The following ZNF484 variants were observed in gnomAD, a reference collection of about 807,000 sequenced individuals.
ZNF484 encodes the protein KRAB box containing C2H2 type zinc finger bA526D8.4.
Under a neutral mutation model 12.9 loss-of-function variants are expected in ZNF484, and 11 were observed. The ratio of observed to expected loss-of-function variants is 0.85; its 90% confidence interval spans 0.54 to 1.41. ZNF484 has a LOEUF of 1.41. Ranked by LOEUF, ZNF484 falls within the 40% of genes most tolerant of loss-of-function variation. ZNF484 has a pLI of 0.00. For synonymous variants in ZNF484, 289 were observed against 334.1 expected (o/e 0.86, Z 1.47); for missense variants, 807 against 1,007.7 (o/e 0.80, Z 2.70).
chr9:92,844,902 T>C lies in ZNF484; in HGVS notation c.*1326A>G, dbSNP rs1855497466. 6.6e-6 allele frequency: 1 copy of C among 152,056 alleles called. No individual in the cohort carries two copies. The allele number at this position is 152,056 out of a possible 1,614,324, so 9.4% of individuals were successfully genotyped here. Reference sequence around the variant, plus strand: ...TATGTGGGTTAATTTAAATGGATATTGACTCAAATAATGATTGGCTATGTT... The same window carrying C: ...TATGTGGGTTAATTTAAATGGATATCGACTCAAATAATGATTGGCTATGTT... On this transcript the variant is annotated 3_prime_UTR_variant, in exon 5 of 5. Coordinates refer to ENST00000375495, the MANE Select transcript of ZNF484 (RefSeq NM_031486.4).
intron 2 of ZNF484, among the ~76,000 whole-genome samples, chr9:92,857,166 A>T (rs1338277659): frequency 6.6e-6 from 1 of 152,186 alleles, no homozygotes; most frequent in African/African-American, 2.4e-5. Flanking sequence ...CAGACGCAAT[A>T]CTTGAAATCA....
chr9:92,869,712 T>C (rs1857318913), intron 2 of ZNF484, among the ~76,000 whole-genome samples: 1 of 152,160 alleles, frequency 6.6e-6, no homozygotes, highest in Non-Finnish European at 1.5e-5. Context: ...ACTGAAAGCC[T>C]AGAAATACCA....
intron 2 of ZNF484, chr9:92,862,199 A>G: frequency 8.7e-6 from 8 of 917,480 alleles, no homozygotes; most frequent in Non-Finnish European, 9.1e-6. Context: ...ATTAACTGCC[A>G]TACATTTATT....
rs1282819460 is a variant in ZNF484, at chr9:92,844,950, T to C, written c.*1278A>G. 4.6e-5 allele frequency: 7 copies of C among 152,168 alleles called. No individual in the cohort carries two copies. Among genetic ancestry groups the C allele is most frequent in the Non-Finnish European group, 1.0e-4 (7 of 68,008 alleles). The allele number at this position is 152,168 out of a possible 1,614,324, so 9.4% of individuals were successfully genotyped here. A position where few individuals can be genotyped will look rare whatever the true frequency, so the allele number is the denominator to read the frequency against. On this transcript the variant is annotated 3_prime_UTR_variant, in exon 5 of 5. Transcript: ENST00000375495. ...GTTCACCATGTACAGAATCCAAATA[T>C]ACAAAATTAATACCATATAAGAGAC...
At chr9:92,873,078 G>T (rs1222966571) in intron 2 of ZNF484, among the ~76,000 whole-genome samples, 3 of 152,084 alleles carry the variant, frequency 2.0e-5, no homozygotes, top group Non-Finnish European at 4.4e-5. Flanking sequence ...AGGTAATTAC[G>T]GTTAAACAAG....
intron 4 of ZNF484, among the ~76,000 whole-genome samples, chr9:92,850,250 GGAA>G (rs1212193504): frequency 2.6e-5 from 4 of 152,296 alleles, no homozygotes; most frequent in African/African-American, 7.2e-5. Context: ...TAGTAATTGG[GGAA>G]GAAGAGATTG....
chr9:92,867,606 T>C (rs1857185802), intron 2 of ZNF484, among the ~76,000 whole-genome samples: 1 of 152,194 alleles, frequency 6.6e-6, no homozygotes, highest in South Asian at 2.1e-4. Flanking sequence ...TCTGCACATG[T>C]ATCCTGGAAC....
chr9:92,859,004 T>A (rs1317007814), intron 2 of ZNF484, among the ~76,000 whole-genome samples: 1 of 152,012 alleles, frequency 6.6e-6, no homozygotes, highest in Non-Finnish European at 1.5e-5. Context: ...TGGGCACCTG[T>A]AGTCCCAGCT....
chr9:92,864,652 G>A (rs118153764), intron 2 of ZNF484, among the ~76,000 whole-genome samples: 6,824 of 152,106 alleles, frequency 0.045, 209 homozygotes, highest in South Asian at 0.1. Flanking sequence ...TCAGTACCAC[G>A]TAATAGCAAA....
intron 4 of ZNF484, among the ~76,000 whole-genome samples, chr9:92,851,926 T>A (rs1314200121): frequency 2.0e-5 from 3 of 152,232 alleles, no homozygotes; most frequent in Admixed American, 6.5e-5. Flanking sequence ...TGAATTGGCA[T>A]AGATGTGCAC....
chr9:92,854,301 T>C (rs1208346802), intron 4 of ZNF484, among the ~76,000 whole-genome samples: 1 of 152,176 alleles, frequency 6.6e-6, no homozygotes. Flanking sequence ...CTAATACCCT[T>C]GTACAAAGTT....
chr9:92,846,446 A>C lies in ZNF484; in HGVS notation c.2341T>G (p.Cys781Gly). Residue 781 changes from cysteine to glycine, a missense_variant, in exon 5 of 5, where the codon TGT becomes GGT. Coordinates refer to ENST00000375495, the MANE Select transcript of ZNF484 (RefSeq NM_031486.4). The stretch of plus-strand genomic sequence containing the variant: ...GATCTGATGGTGAAGGCCTTTCCAC[A>C]CTCAGCACATATATATGGTTTCTCT... ...TGEKPYICAECGKAFTIRSNL... is the reference protein window; with the variant it reads ...TGEKPYICAEGGKAFTIRSNL... 1.2e-6 allele frequency: 2 copies of C among 1,614,126 alleles called. No homozygotes were observed. Among genetic ancestry groups the C allele is most frequent in the Non-Finnish European group, 1.7e-6 (2 of 1,180,006 alleles).
intron 2 of ZNF484, among the ~76,000 whole-genome samples, chr9:92,869,622 C>T (rs755964394): frequency 2.6e-5 from 4 of 152,178 alleles, no homozygotes; most frequent in South Asian, 2.1e-4. Context: ...GAAATGTGTA[C>T]GTGAGTGTCA....
Position 92,846,882 on chromosome 9 carries a change from G to C in ZNF484, c.1905C>G (p.Pro635=). Reference sequence around the variant, plus strand: ...CCTTTCCACATTCAGCACACCTATAGGGTTTCTCTCCTGTGTGAATCTGCT... The same window carrying C: ...CCTTTCCACATTCAGCACACCTATACGGTTTCTCTCCTGTGTGAATCTGCT... The part of the protein sequence containing the change: ...VHQQIHTGEK[P]YRCAECGKAF... Residue 635 remains proline, a synonymous_variant, in exon 5 of 5, where the codon CCC becomes CCG. Coordinates refer to ENST00000375495, the MANE Select transcript of ZNF484 (RefSeq NM_031486.4). 6.2e-7 allele frequency: 1 copy of C among 1,612,368 alleles called. No homozygotes were observed.
In ZNF484 at chr9:92,846,800, G is replaced by A. The variant is rs1186767538; in HGVS notation, c.1987C>T (p.Pro663Ser). ...THQKIHTGEKPYKCSDCGKAF... is the reference protein window; with the variant it reads ...THQKIHTGEKSYKCSDCGKAF... ...TTCCCACAGTCACTACATTTATAAG[G>A]TTTCTCTCCAGTGTGAATTTTCTGG... Residue 663 changes from proline (P) to serine (S), a missense_variant, in exon 5 of 5, where the codon CCT becomes TCT. By Grantham distance (74) the Pro-to-Ser change is moderately conservative (BLOSUM62 -1). Coordinates refer to ENST00000375495, the MANE Select transcript of ZNF484 (RefSeq NM_031486.4). 6.2e-7 allele frequency: 1 copy of A among 1,613,912 alleles called. No individual in the cohort carries two copies. Among genetic ancestry groups the A allele is most frequent in the Admixed American group, 1.7e-5 (1 of 59,998 alleles).
chr9:92,870,535 G>A (rs766266798), intron 2 of ZNF484, among the ~76,000 whole-genome samples: 23 of 152,224 alleles, frequency 1.5e-4, no homozygotes, highest in Non-Finnish European at 2.8e-4. Flanking sequence ...CAACTGGGGA[G>A]CTGGGACTTT....
chr9:92,869,939 G>A (rs1857332529), intron 2 of ZNF484, among the ~76,000 whole-genome samples: 1 of 152,180 alleles, frequency 6.6e-6, no homozygotes, highest in African/African-American at 2.4e-5. Flanking sequence ...AAGTTCAAAT[G>A]CAAAGGACAA....
chr9:92,863,071 G>T (rs1375021461), intron 2 of ZNF484, among the ~76,000 whole-genome samples: 1 of 152,124 alleles, frequency 6.6e-6, no homozygotes, highest in Non-Finnish European at 1.5e-5. Flanking sequence ...ATACATCATG[G>T]AATACTATGC....
rs758859402 is a variant in ZNF484, at chr9:92,848,306, T to C, written c.481A>G (p.Ile161Val). The stretch of plus-strand genomic sequence containing the variant: ...ACCAGGTGTGTGTTTACATGAACTA[T>C]TTCCCCAATGTCCTTATATTCAAAG... The part of the protein sequence containing the change: ...SIFEYKDIGE[I>V]VHVNTHLVSS... Residue 161 changes from isoleucine to valine, a missense_variant, in exon 5 of 5, where the codon ATA (isoleucine) becomes GTA (valine). Ile to Val is a conservative substitution (Grantham distance 29). Transcript: ENST00000375495. This position sits in a 1 kb window ranked among gnomAD's most constrained non-coding sequence, Gnocchi z 4.1. 1 of 1,614,176 alleles carries C rather than the reference T, an allele frequency of 6.2e-7. No homozygotes were observed. Among genetic ancestry groups the C allele is most frequent in the Non-Finnish European group, 8.5e-7 (1 of 1,180,022 alleles).
Sources: allele counts gnomAD v4.1 joint callset (sites outside exome capture counted in the v4.1 genomes callset), GRCh38; gene constraint gnomAD v4.1.1; non-coding constraint Gnocchi (gnomAD v3.1); transcripts MANE v1.5; gene names NCBI Gene and HGNC (gene_info 2026-07-23, HGNC 2026-07-21).